LRRTM4: variants seen among roughly 807,000 people sequenced by gnomAD.
LRRTM4 encodes leucine rich repeat transmembrane neuronal 4, also known as leucine-rich repeat transmembrane neuronal protein 4.
In LRRTM4, 25 loss-of-function variants were observed where a neutral mutation model predicts 47.6. The ratio of observed to expected loss-of-function variants is 0.53; its 90% CI spans 0.38 to 0.73. LRRTM4 has a LOEUF of 0.73. Ranked by LOEUF, LRRTM4 falls within the 30% of genes least tolerant of loss-of-function variation. The pLI is 0.00. For missense variants in LRRTM4, 638 were observed against 713.4 expected (o/e 0.89, Z 1.20); for synonymous variants, 311 against 269.5 (o/e 1.15, Z -1.51).
At chr2:76,890,354 T>C (rs1673213495) in intron 3 of LRRTM4, among the ~76,000 whole-genome samples, 1 of 151,988 alleles carries the variant, frequency 6.6e-6, no homozygotes, top group Admixed American at 6.6e-5. Flanking sequence ...CAAATGACAT[T>C]ATGTCCTTAC....
At chr2:77,467,781 A>T (rs1677035186) in intron 3 of LRRTM4, among the ~76,000 whole-genome samples, 1 of 152,184 alleles carries the variant, frequency 6.6e-6, no homozygotes, top group African/African-American at 2.4e-5. Context: ...AGTGGTCATA[A>T]GTTTGGATGG....
intron 3 of LRRTM4, among the ~76,000 whole-genome samples, chr2:77,331,312 C>G (rs1415126524): frequency 6.6e-6 from 1 of 152,156 alleles, no homozygotes; most frequent in Non-Finnish European, 1.5e-5. Flanking sequence ...GACATAAAAT[C>G]TCCCAGGATT....
At chr2:76,795,965 G>C (rs903639410) in intron 3 of LRRTM4, among the ~76,000 whole-genome samples, 1 of 150,314 alleles carries the variant, frequency 6.7e-6, no homozygotes, top group Admixed American at 6.6e-5. Flanking sequence ...CGCGCACCAT[G>C]TGCGAGCCGA....
chr2:77,221,447 T>C (rs923990471), intron 3 of LRRTM4, among the ~76,000 whole-genome samples: 8 of 152,126 alleles, frequency 5.3e-5, no homozygotes, highest in Non-Finnish European at 8.8e-5. Flanking sequence ...CAGTGTGCTG[T>C]ATTCAGGAAA....
At chr2:76,807,471 CATATATATATATATACAT>C (rs1670554222) in intron 3 of LRRTM4, among the ~76,000 whole-genome samples, 1 of 97,480 alleles carries the variant, frequency 1.0e-5, no homozygotes, top group Non-Finnish European at 1.9e-5. Flanking sequence ...TATATATATA[CATATATATATATATACAT>C]ATATATATAT....
At chr2:77,402,790 T>C (rs1674011693) in intron 3 of LRRTM4, among the ~76,000 whole-genome samples, 1 of 151,970 alleles carries the variant, frequency 6.6e-6, no homozygotes, top group Non-Finnish European at 1.5e-5. Flanking sequence ...TACTATGTGA[T>C]CTTGGTCACC....
intron 3 of LRRTM4, among the ~76,000 whole-genome samples, chr2:77,210,518 GTC>G (rs1267151427): frequency 6.6e-6 from 1 of 151,924 alleles, no homozygotes; most frequent in African/African-American, 2.4e-5. Context: ...TTCCTTTTCT[GTC>G]TCTGTGTCAT....
At chr2:77,043,687 G>A (rs1462339305) in intron 3 of LRRTM4, among the ~76,000 whole-genome samples, 3 of 151,762 alleles carry the variant, frequency 2.0e-5, no homozygotes, top group Non-Finnish European at 4.4e-5. Flanking sequence ...GCAGATTACA[G>A]CCAAACTTTA....
intron 3 of LRRTM4, among the ~76,000 whole-genome samples, chr2:76,897,471 G>A (rs1301883036): frequency 2.6e-5 from 4 of 152,068 alleles, no homozygotes; most frequent in Admixed American, 6.6e-5. Flanking sequence ...CATATGGTAT[G>A]TGCTATATAA....
At chr2:76,992,659 T>C (rs1242914681) in intron 3 of LRRTM4, among the ~76,000 whole-genome samples, 1 of 151,778 alleles carries the variant, frequency 6.6e-6, no homozygotes, top group Admixed American at 6.6e-5. Context: ...TCCATGTTCA[T>C]GGATTGGAAG....
At chr2:77,407,735 T>G (rs1212241734) in intron 3 of LRRTM4, among the ~76,000 whole-genome samples, 1 of 141,656 alleles carries the variant, frequency 7.1e-6, no homozygotes, top group Non-Finnish European at 1.5e-5. Flanking sequence ...ATATATTATA[T>G]ATTATATTCT....
chr2:77,252,734 C>T (rs1358646343), intron 3 of LRRTM4, among the ~76,000 whole-genome samples: 2 of 152,174 alleles, frequency 1.3e-5, no homozygotes, highest in East Asian at 3.9e-4. Flanking sequence ...AGAGTGGTGA[C>T]TAAGAAAAAC....
intron 3 of LRRTM4, among the ~76,000 whole-genome samples, chr2:77,345,902 T>G (rs1270336897): frequency 6.6e-6 from 1 of 151,620 alleles, no homozygotes; most frequent in Non-Finnish European, 1.5e-5. Context: ...CAAAGAAAAC[T>G]TGTACATGAT....
At chr2:77,358,899 T>C (rs1377278193) in intron 3 of LRRTM4, among the ~76,000 whole-genome samples, 1 of 152,188 alleles carries the variant, frequency 6.6e-6, no homozygotes, top group Non-Finnish European at 1.5e-5. Flanking sequence ...ACATACTCTT[T>C]TATTTAAATT....
At chr2:76,834,328 G>A (rs1415896445) in intron 3 of LRRTM4, among the ~76,000 whole-genome samples, 1 of 151,760 alleles carries the variant, frequency 6.6e-6, no homozygotes. Context: ...TGGGATTATA[G>A]GCGTAAGCCA....
At chr2:77,181,772 G>A (rs891791616) in intron 3 of LRRTM4, among the ~76,000 whole-genome samples, 2 of 151,856 alleles carry the variant, frequency 1.3e-5, no homozygotes, top group African/African-American at 2.4e-5. Flanking sequence ...AGGAGGGGAG[G>A]AAAGGCAATT....
In LRRTM4 at chr2:77,156,580, T is replaced by C. The variant is rs543371759; in HGVS notation, c.1551+361738A>G. On this transcript the variant is annotated intron_variant, in intron 3 of 3. Transcript: ENST00000409884. ...TGCCAATAACATAAGACTAAAAACA[T>C]CCAAAACAACACCATATATAATTTA... is the stretch of plus-strand genomic sequence containing the variant. Among the ~76,000 whole-genome samples, 17 of 151,866 alleles carry C rather than the reference T, an allele frequency of 1.1e-4. No homozygotes were observed. In the South Asian group the frequency reaches 2.9e-3, roughly 26 times the overall value.
intron 3 of LRRTM4, among the ~76,000 whole-genome samples, chr2:77,313,653 C>A (rs1346260786): frequency 6.6e-6 from 1 of 152,118 alleles, no homozygotes; most frequent in Non-Finnish European, 1.5e-5. Flanking sequence ...CACATATTAT[C>A]CCTCTTGTTA....
At chr2:77,062,266 T>C (rs1310743988) in intron 3 of LRRTM4, among the ~76,000 whole-genome samples, 2 of 152,158 alleles carry the variant, frequency 1.3e-5, no homozygotes, top group African/African-American at 4.8e-5. Context: ...GGAAACATCA[T>C]TATTTGCAGT....
Sources: gnomAD v4.1 joint callset for allele counts (sites outside exome capture counted in the v4.1 genomes callset) on GRCh38, gnomAD v4.1.1 for gene constraint, MANE v1.5 for transcripts, NCBI Gene and HGNC (gene_info 2026-07-23, HGNC 2026-07-21) for gene names.